The following LRRIQ3 variants were observed in gnomAD, a reference collection of about 807,000 sequenced individuals.
LRRIQ3 encodes the protein leucine-rich repeat and IQ domain-containing protein 3.
In LRRIQ3, 75 loss-of-function variants were observed where a neutral mutation model predicts 59.3. The observed-to-expected ratio is 1.26, with a 90% CI of 1.05 to 1.53. The LOEUF (loss-of-function observed/expected upper bound fraction) is 1.53. Ranked by LOEUF, LRRIQ3 falls within the 40% of genes most tolerant of loss-of-function variation. The pLI is 0.00. For missense variants in LRRIQ3, 831 were observed against 710.0 expected, an observed-to-expected ratio of 1.17 and a Z score of -1.94; for synonymous variants, 250 against 231.3, an observed-to-expected ratio of 1.08 and a Z score of -0.73.
intron 5 of LRRIQ3, among the ~76,000 whole-genome samples, chr1:74,100,479 T>G (rs1646514142): frequency 6.6e-6 from 1 of 152,176 alleles, no homozygotes; most frequent in Non-Finnish European, 1.5e-5. Context: ...ATGGCCATAT[T>G]GCCCAAGGTA....
At chr1:74,079,601 G>C (rs1258889567) in intron 5 of LRRIQ3, among the ~76,000 whole-genome samples, 1 of 151,578 alleles carries the variant, frequency 6.6e-6, no homozygotes, top group Admixed American at 6.6e-5. Flanking sequence ...GTTTTGTTTT[G>C]TTTTTTCCCT....
intron 4 of LRRIQ3, among the ~76,000 whole-genome samples, chr1:74,149,003 T>C: frequency 6.7e-6 from 1 of 150,272 alleles, no homozygotes; most frequent in Non-Finnish European, 1.5e-5. Flanking sequence ...TAAGTGATTT[T>C]CTAATGTTAA....
Position 74,182,521 on chromosome 1 carries a change from C to G in LRRIQ3, c.573+17G>C, listed in dbSNP as rs1167385016. The stretch of plus-strand genomic sequence containing the variant: ...TTATACATTTAATTAAAATGAAACC[C>G]TAAAGAAGCCAATTACCTTTCTCAA... On this transcript the variant is annotated intron_variant, in intron 3 of 7. Transcript: ENST00000354431. The G allele has an allele frequency of 6.8e-7, 1 of 1,463,842 alleles. No homozygotes were observed. Among genetic ancestry groups the G allele is most frequent in the Non-Finnish European group, 9.0e-7 (1 of 1,106,726 alleles). The allele number at this position is 1,463,842 out of a possible 1,614,324, so 90.7% of individuals were successfully genotyped here.
chr1:74,048,268 A>C (rs538755420), intron 6 of LRRIQ3, among the ~76,000 whole-genome samples: 2 of 152,284 alleles, frequency 1.3e-5, no homozygotes, highest in South Asian at 4.1e-4. Context: ...AGAGACATTG[A>C]TCACCCTGGG....
chr1:74,041,997 C>T, intron 6 of LRRIQ3, 64 bp from the exon 7 acceptor site: 3 of 1,374,832 alleles, frequency 2.2e-6, no homozygotes, highest in Non-Finnish European at 2.8e-6. Context: ...ATTTTCTCTC[C>T]AAATATATCA....
intron 4 of LRRIQ3, among the ~76,000 whole-genome samples, chr1:74,114,186 T>C (rs529326110): frequency 5.9e-5 from 9 of 152,030 alleles, no homozygotes; most frequent in East Asian, 3.9e-4. Flanking sequence ...CTAAAAATGA[T>C]AAATAGAAAT....
intron 5 of LRRIQ3, among the ~76,000 whole-genome samples, chr1:74,094,682 G>T (rs978960909): frequency 2.0e-5 from 3 of 152,100 alleles, no homozygotes; most frequent in African/African-American, 7.2e-5. Flanking sequence ...GAGAAGCTGA[G>T]AAATGCAAAT....
chr1:74,102,756 T>TGATCTCTC (rs922334745), intron 5 of LRRIQ3, among the ~76,000 whole-genome samples: 1 of 151,982 alleles, frequency 6.6e-6, no homozygotes, highest in Non-Finnish European at 1.5e-5. Flanking sequence ...ATTTCCCCAG[T>TGATCTCTC]GATCTCTCTA....
At chr1:74,139,085 T>TGG (rs1491436833) in intron 4 of LRRIQ3, among the ~76,000 whole-genome samples, 14 of 140,082 alleles carry the variant, frequency 1.0e-4, no homozygotes, top group Admixed American at 3.6e-4. Context: ...CATATATGTA[T>TGG]GTGTGTGTGT....
At chr1:74,031,889 C>G (rs1368939448) in intron 7 of LRRIQ3, among the ~76,000 whole-genome samples, 1 of 151,712 alleles carries the variant, frequency 6.6e-6, no homozygotes, top group African/African-American at 2.4e-5. Context: ...ACACTGTGAC[C>G]AGAAAAGCAT....
intron 1 of LRRIQ3, among the ~76,000 whole-genome samples, chr1:74,191,694 A>G (rs1650776855): frequency 6.6e-6 from 1 of 152,152 alleles, no homozygotes; most frequent in South Asian, 2.1e-4. Context: ...TCTAAGTAAC[A>G]CATAGGTCAA....
intron 6 of LRRIQ3, among the ~76,000 whole-genome samples, chr1:74,044,340 G>C (rs1374881027): frequency 6.6e-6 from 1 of 152,042 alleles, no homozygotes; most frequent in Non-Finnish European, 1.5e-5. Context: ...CTCATGAGTG[G>C]CTTGGTGCCC....
chr1:74,164,367 G>A (rs1350170441), intron 3 of LRRIQ3, among the ~76,000 whole-genome samples: 1 of 151,328 alleles, frequency 6.6e-6, no homozygotes, highest in Non-Finnish European at 1.5e-5. Flanking sequence ...AAGAAATTTG[G>A]ACACAAACAC....
At chr1:74,029,565 A>T (rs1259219701) in intron 7 of LRRIQ3, among the ~76,000 whole-genome samples, 1 of 152,016 alleles carries the variant, frequency 6.6e-6, no homozygotes, top group Admixed American at 6.6e-5. Flanking sequence ...ATCATGGTGG[A>T]TAAGATTTTT....
intron 5 of LRRIQ3, chr1:74,095,117 C>A (rs1202413098): frequency 1.3e-5 from 2 of 152,068 alleles, no homozygotes; most frequent in Non-Finnish European, 2.9e-5. Context: ...TTTATTTCCT[C>A]TTCTTTCTGG....
intron 6 of LRRIQ3, among the ~76,000 whole-genome samples, chr1:74,042,246 A>T (rs888647393): frequency 3.3e-5 from 5 of 152,084 alleles, no homozygotes; most frequent in African/African-American, 1.2e-4. Flanking sequence ...CACACATATT[A>T]TTTTTTCATA....
At chr1:74,061,226 G>A (rs1654713154) in intron 6 of LRRIQ3, among the ~76,000 whole-genome samples, 1 of 152,106 alleles carries the variant, frequency 6.6e-6, no homozygotes, top group Admixed American at 6.6e-5. Flanking sequence ...AGCTAACTGG[G>A]GTGGTGAAAG....
chr1:74,179,197 T>C (rs1182744620), intron 3 of LRRIQ3, among the ~76,000 whole-genome samples: 1 of 152,086 alleles, frequency 6.6e-6, no homozygotes, highest in Non-Finnish European at 1.5e-5. Flanking sequence ...TTCTATGATA[T>C]GATTTTAGAT....
intron 3 of LRRIQ3, among the ~76,000 whole-genome samples, chr1:74,177,887 A>G (rs1391413022): frequency 6.6e-6 from 1 of 152,008 alleles, no homozygotes; most frequent in Non-Finnish European, 1.5e-5. Context: ...TGACATAAAA[A>G]TGTTATGTTT....
Sources: allele counts gnomAD v4.1 joint callset (sites outside exome capture counted in the v4.1 genomes callset), GRCh38; gene constraint gnomAD v4.1.1; transcripts MANE v1.5; gene names NCBI Gene and HGNC (gene_info 2026-07-23, HGNC 2026-07-21).